The following XRCC6 variants were observed in gnomAD, a reference collection of about 807,000 sequenced individuals.
XRCC6 encodes the protein X-ray repair cross complementing 6.
Under a neutral mutation model 65.7 loss-of-function variants are expected in XRCC6, and 5 were observed. The ratio of observed to expected loss-of-function variants is 0.08; its 90% CI spans 0.04 to 0.16. The LOEUF (loss-of-function observed/expected upper bound fraction) is 0.16. Among genes scored for constraint, XRCC6 ranks in the 10% least tolerant of loss-of-function variants. The probability of loss-of-function intolerance (pLI) is 1.00; values close to 1 mark genes in which losing one functional copy is unlikely to be tolerated. For missense variants in XRCC6, 447 were observed against 738.1 expected, an observed-to-expected ratio of 0.61 and a Z score of 4.57; for synonymous variants, 270 against 270.6, an observed-to-expected ratio of 1.00 and a Z score of 0.02.
intron 9 of XRCC6, among the ~76,000 whole-genome samples, chr22:41,656,584 G>A (rs1266781042): frequency 6.6e-6 from 1 of 151,966 alleles, no homozygotes; most frequent in Non-Finnish European, 1.5e-5. Context: ...GGACAAACAT[G>A]TTTCAATTGA....
At chr22:41,657,514 ATTATTATTATTATTATT>A (rs2068056372) in intron 10 of XRCC6, among the ~76,000 whole-genome samples, 1 of 146,690 alleles carries the variant, frequency 6.8e-6, no homozygotes, top group Non-Finnish European at 1.5e-5. Context: ...TATTATTATT[ATTATTATTATTATTATT>A]ATTATTTTGA....
chr22:41,634,201 T>C (rs562044219), intron 3 of XRCC6, among the ~76,000 whole-genome samples: 4 of 152,060 alleles, frequency 2.6e-5, no homozygotes, highest in Admixed American at 2.6e-4. Flanking sequence ...TTTTTTTTTT[T>C]TTGAGACAGG....
intron 6 of XRCC6, among the ~76,000 whole-genome samples, chr22:41,646,584 C>T (rs2067934223): frequency 6.6e-6 from 1 of 152,094 alleles, no homozygotes; most frequent in Non-Finnish European, 1.5e-5. Context: ...CCAGTAAGTA[C>T]TATAAAATGC....
intron 3 of XRCC6, among the ~76,000 whole-genome samples, chr22:41,632,666 A>G (rs950180401): frequency 6.6e-6 from 1 of 151,766 alleles, no homozygotes; most frequent in Non-Finnish European, 1.5e-5. Flanking sequence ...TGCACCAAAA[A>G]AAAAGAATAA....
At chr22:41,643,409 A>G (rs1220582482) in intron 6 of XRCC6, among the ~76,000 whole-genome samples, 2 of 152,054 alleles carry the variant, frequency 1.3e-5, no homozygotes, top group Non-Finnish European at 2.9e-5. Flanking sequence ...ACTCCATCTC[A>G]AAAACAAAAG....
intron 2 of XRCC6, among the ~76,000 whole-genome samples, chr22:41,624,841 C>A (rs1363996709): frequency 2.0e-5 from 3 of 149,922 alleles, no homozygotes; most frequent in Middle Eastern, 3.4e-3. Flanking sequence ...ACTAAAAATA[C>A]AAAAAAATAG....
chr22:41,645,667 C>A (rs1410763972), intron 6 of XRCC6, among the ~76,000 whole-genome samples: 2 of 150,762 alleles, frequency 1.3e-5, no homozygotes, highest in Non-Finnish European at 3.0e-5. Context: ...TGTTAAGTAA[C>A]CCTTATTTTG....
chr22:41,658,410 C>T, intron 11 of XRCC6, 58 bp downstream of exon 11: 1 of 1,503,634 alleles, frequency 6.7e-7, no homozygotes, highest in Admixed American at 1.7e-5. Flanking sequence ...TGGTTCCACT[C>T]TGCACCAGTA....
intron 6 of XRCC6, among the ~76,000 whole-genome samples, chr22:41,639,162 A>G (rs2067845329): frequency 1.3e-5 from 2 of 152,074 alleles, no homozygotes; most frequent in Admixed American, 1.3e-4. Flanking sequence ...TGGTGACAAC[A>G]ATACCTGCCT....
At chr22:41,652,975 A>G (rs2068015383) in intron 8 of XRCC6, among the ~76,000 whole-genome samples, 1 of 152,152 alleles carries the variant, frequency 6.6e-6, no homozygotes, top group African/African-American at 2.4e-5. Flanking sequence ...CCCGGCCATA[A>G]TTCACTTTCT....
intron 2 of XRCC6, among the ~76,000 whole-genome samples, chr22:41,626,899 C>G (rs1329919657): frequency 1.3e-5 from 2 of 152,026 alleles, no homozygotes; most frequent in East Asian, 3.9e-4. Flanking sequence ...CTCGGCCTCC[C>G]AAAGTGCTGG....
In XRCC6 at chr22:41,658,465, C is replaced by T. The variant is rs2068066329; in HGVS notation, c.1522+113C>T. 13 of 934,376 alleles carry T rather than the reference C, an allele frequency of 1.4e-5. No homozygotes were observed. In the South Asian group the frequency reaches 1.8e-4, roughly 13 times the overall value. The allele number at this position is 934,376 out of a possible 1,614,324, so 57.9% of individuals were successfully genotyped here. A position where few individuals can be genotyped will look rare whatever the true frequency, so the allele number is the denominator to read the frequency against. On this transcript the variant is annotated intron_variant, in intron 11 of 12. Transcript: ENST00000360079. Reference sequence around the variant, plus strand: ...TCCTCTCTAAACACTTAACCTCATTCCCCAGACCCCCTCTGTTTGGAAGCT... The same window carrying T: ...TCCTCTCTAAACACTTAACCTCATTTCCCAGACCCCCTCTGTTTGGAAGCT...
intron 9 of XRCC6, among the ~76,000 whole-genome samples, chr22:41,654,749 C>T (rs2068029641): frequency 6.6e-6 from 1 of 152,148 alleles, no homozygotes; most frequent in African/African-American, 2.4e-5. Context: ...GGGACTTAGC[C>T]CTCCAGGGAG....
At chr22:41,661,244 CTT>C in intron 11 of XRCC6, 85 bp from the exon 12 acceptor site, 1 of 1,174,928 alleles carries the variant, frequency 8.5e-7, no homozygotes, top group Admixed American at 2.1e-5. Context: ...GGTGCTCTCT[CTT>C]CTGGTTCTCA....
At chr22:41,657,121 ACTC>A in intron 10 of XRCC6, 89 bp downstream of exon 10, 1 of 1,432,892 alleles carries the variant, frequency 7.0e-7, no homozygotes, top group Non-Finnish European at 9.2e-7. Flanking sequence ...GAATGGCACT[ACTC>A]TTTTCAGCAA....
In XRCC6 at chr22:41,657,490, TTTATTATTATTATTA is replaced by T. The variant is rs138171458; in HGVS notation, c.1421+491_1421+505del. 4.4e-3 allele frequency among the ~76,000 whole-genome samples: 615 copies of T among 138,236 alleles called. 5 individuals carry two copies. Among genetic ancestry groups the T allele is most frequent in the South Asian group, 0.03 (124 of 4,180 alleles). 90.7% of individuals were successfully genotyped at this position (138,236 alleles called of 152,430 possible). A position where few individuals can be genotyped will look rare whatever the true frequency, so the allele number is the denominator to read the frequency against. On this transcript the variant is annotated intron_variant, in intron 10 of 12. Coordinates refer to ENST00000360079, the MANE Select transcript of XRCC6 (RefSeq NM_001469.5). ...TTTTTTCACATGTCATTTTTAAAAA[TTTATTATTATTATTA>T]TTATTATTATTATTATTATTATTAT...
At position 41,652,849 on chromosome 22, in the gene XRCC6, T is replaced by C. The variant is rs369314241; in HGVS notation, c.1130-680T>C. On this transcript the variant is annotated intron_variant, in intron 8 of 12. Transcript: ENST00000360079. ...CTACCATGCCCAGCTAATTTTTGTA[T>C]TTTTAGTAGAGATGGGGTTTTACCA... Among the ~76,000 whole-genome samples the C allele has an allele frequency of 1.5e-4, 23 of 152,160 alleles. No individual in the cohort carries two copies. In the East Asian group the frequency reaches 4.1e-3, roughly 27 times the overall value.
intron 2 of XRCC6, among the ~76,000 whole-genome samples, chr22:41,624,878 T>A (rs2067652474): frequency 6.6e-6 from 1 of 150,622 alleles, no homozygotes; most frequent in African/African-American, 2.4e-5. Context: ...GCGCTTGTAG[T>A]CCCAGCTACT....
At chr22:41,623,217 A>G (rs2147060056) in intron 2 of XRCC6, among the ~76,000 whole-genome samples, 1 of 151,972 alleles carries the variant, frequency 6.6e-6, no homozygotes, top group African/African-American at 2.4e-5. Context: ...AGTAGCTGGG[A>G]CTACAAGTGC....
Sources: gnomAD v4.1 joint callset for allele counts (sites outside exome capture counted in the v4.1 genomes callset) on GRCh38, gnomAD v4.1.1 for gene constraint, MANE v1.5 for transcripts, NCBI Gene and HGNC (gene_info 2026-07-23, HGNC 2026-07-21) for gene names.